The following COG3 variants were observed in gnomAD, a reference collection of about 807,000 sequenced individuals.
The protein encoded by COG3 is component of oligomeric golgi complex 3.
A neutral mutation model predicts 114.1 loss-of-function variants in COG3; 32 were observed. The ratio of observed to expected loss-of-function variants is 0.28; its 90% CI spans 0.21 to 0.38. The LOEUF (loss-of-function observed/expected upper bound fraction) is 0.38. Ranked by LOEUF, COG3 falls within the 10% of genes least tolerant of loss-of-function variation. The pLI is 1.00. For missense variants in COG3, 813 were observed against 973.2 expected (o/e 0.84, Z 2.19); for synonymous variants, 352 against 365.7 (o/e 0.96, Z 0.43).
intron 19 of COG3, among the ~76,000 whole-genome samples, chr13:45,524,419 A>G (rs559600449): frequency 6.6e-6 from 1 of 152,248 alleles, no homozygotes; most frequent in Non-Finnish European, 1.5e-5. Context: ...TGACTAGAAG[A>G]TGGTCATTCA....
rs192188834 is a variant in COG3 at position 45,487,461 on chromosome 13, T to C, written c.924+886T>C. Among the ~76,000 whole-genome samples the C allele has an allele frequency of 2.6e-5, 4 of 152,312 alleles. No individual in the cohort carries two copies. In the East Asian group the frequency reaches 7.7e-4, roughly 29 times the overall value. ...ATTACCAGAGTGAAGAGACAACCTG[T>C]AGAATGATAGAAAACATTTACAACT... On this transcript the variant is annotated intron_variant, in intron 8 of 22. Transcript: ENST00000349995.
intron 14 of COG3, among the ~76,000 whole-genome samples, chr13:45,508,384 T>TA (rs1566262449): frequency 1.8e-4 from 6 of 33,266 alleles, no homozygotes; most frequent in South Asian, 1.4e-3. Context: ...TTATATATAT[T>TA]TTTATATATA....
chr13:45,493,801 A>G, intron 12 of COG3: 1 of 174,446 alleles, frequency 5.7e-6, no homozygotes. Context: ...CACTGTTACC[A>G]GAATACAAAA....
Position 45,508,431 on chromosome 13 carries a change from C to T in COG3, c.1595-1261C>T, listed in dbSNP as rs931268415. On this transcript the variant is annotated intron_variant, in intron 14 of 22. Coordinates refer to ENST00000349995, the MANE Select transcript of COG3 (RefSeq NM_031431.4). The stretch of plus-strand genomic sequence containing the variant: ...ACACACACACACACACACACATACA[C>T]ATATATATACATATATGTGTATGTG... Among the ~76,000 whole-genome samples, 20 of 138,416 alleles carry T rather than the reference C, an allele frequency of 1.4e-4. No individual in the cohort carries two copies. In the East Asian group the frequency reaches 2.5e-3, roughly 17 times the overall value. 90.8% of individuals were successfully genotyped at this position (138,416 alleles called of 152,430 possible). A position where few individuals can be genotyped will look rare whatever the true frequency, so the allele number is the denominator to read the frequency against.
chr13:45,496,336 C>G (rs778445933), intron 13 of COG3, 24 bp downstream of exon 13: 1 of 1,512,302 alleles, frequency 6.6e-7, no homozygotes, highest in Non-Finnish European at 8.9e-7. Context: ...ACTTGATCTC[C>G]CGTCTGCCCC....
At chr13:45,498,463 G>C (rs949370807) in intron 13 of COG3, among the ~76,000 whole-genome samples, 1 of 149,796 alleles carries the variant, frequency 6.7e-6, no homozygotes, top group Admixed American at 6.7e-5. Flanking sequence ...GGGTTCAAGC[G>C]ATTTCAAGAA....
rs779203739 is a variant in COG3 at position 45,479,012 on chromosome 13, C to T, written c.329C>T (p.Ser110Leu). ...ERIETAQQFF[S>L]WFAKLQTQMD... The stretch of plus-strand genomic sequence containing the variant: ...AATACTCTGTTTTTCCAGTTTTTCT[C>T]ATGGTTTGCAAAGCTGCAAACTCAG... Residue 110 changes from serine to leucine, a missense_variant, in exon 3 of 23, where the codon TCA becomes TTA. Ser to Leu is a moderately radical substitution (Grantham distance 145). This residue lies in a region of COG3 where 424 missense variants were observed against 430.6 expected (regional missense o/e 0.98). Coordinates refer to ENST00000349995, the MANE Select transcript of COG3 (RefSeq NM_031431.4). The T allele has an allele frequency of 1.2e-6, 2 of 1,610,110 alleles. No individual in the cohort carries two copies. Among genetic ancestry groups the T allele is most frequent in the Non-Finnish European group, 1.7e-6 (2 of 1,178,104 alleles).
chr13:45,534,816 C>G lies in COG3; in HGVS notation c.*85C>G. ...TGCAGTCTGCAGGACACCGAGGAAT[C>G]GTATGTGGGAACGTCCCCGAGAACC... On this transcript the variant is annotated 3_prime_UTR_variant, in exon 23 of 23. Coordinates refer to ENST00000349995, the MANE Select transcript of COG3 (RefSeq NM_031431.4). The G allele has an allele frequency of 7.0e-7, 1 of 1,424,556 alleles. No homozygotes were observed. Among genetic ancestry groups the G allele is most frequent in the Non-Finnish European group, 9.2e-7 (1 of 1,087,514 alleles). The allele number at this position is 1,424,556 out of a possible 1,614,324, so 88.2% of individuals were successfully genotyped here.
chr13:45,500,094 G>GTGTGTATATA (rs1321310200), intron 13 of COG3, among the ~76,000 whole-genome samples: 6 of 114,840 alleles, frequency 5.2e-5, no homozygotes, highest in African/African-American at 2.1e-4. Context: ...GTGTGTGTGT[G>GTGTGTATATA]TATATATATA....
intron 16 of COG3, chr13:45,512,131 G>T: frequency 3.6e-6 from 1 of 278,830 alleles, no homozygotes. Flanking sequence ...TAGCCACTGG[G>T]GAAATGATAC....
intron 6 of COG3, 60 bp downstream of exon 6, chr13:45,482,533 A>G (rs1886315031): frequency 2.5e-6 from 2 of 804,338 alleles, no homozygotes; most frequent in East Asian, 2.7e-5. Context: ...TCCTGTTCCT[A>G]TCTTTTTGTG....
intron 19 of COG3, among the ~76,000 whole-genome samples, chr13:45,519,652 A>G (rs1871899915): frequency 6.6e-6 from 1 of 152,256 alleles, no homozygotes; most frequent in Admixed American, 6.5e-5. Flanking sequence ...TAAGTGAAAC[A>G]ACATAAAATG....
At chr13:45,469,880 T>C (rs1396450726) in intron 1 of COG3, among the ~76,000 whole-genome samples, 1 of 152,216 alleles carries the variant, frequency 6.6e-6, no homozygotes, top group African/African-American at 2.4e-5. Flanking sequence ...TTCAAAATTA[T>C]TTCTTTAGTT....
intron 14 of COG3, among the ~76,000 whole-genome samples, chr13:45,504,341 C>T (rs1869884939): frequency 6.6e-6 from 1 of 152,192 alleles, no homozygotes; most frequent in Non-Finnish European, 1.5e-5. Flanking sequence ...CTGAAATTTC[C>T]TCCTCTGCAA....
chr13:45,523,551 G>C (rs1872396409), intron 19 of COG3, among the ~76,000 whole-genome samples: 1 of 152,124 alleles, frequency 6.6e-6, no homozygotes. Context: ...TGAAGCAAAT[G>C]CTCTTTGAGG....
chr13:45,526,141 T>A (rs1468722869), intron 20 of COG3, among the ~76,000 whole-genome samples: 1 of 125,346 alleles, frequency 8.0e-6, no homozygotes, highest in East Asian at 2.8e-4. Context: ...CAGGCTGGAG[T>A]GCAGTGGCGT....
intron 1 of COG3, 52 bp downstream of exon 1, chr13:45,465,262 C>T (rs747074738): frequency 1.3e-6 from 2 of 1,592,554 alleles, no homozygotes; most frequent in East Asian, 4.5e-5. Context: ...GGATTCTCCT[C>T]GGGCGCCCCG....
In COG3 at chr13:45,483,230, C is replaced by A; in HGVS notation, c.718C>A (p.Pro240Thr). 6.3e-7 allele frequency: 1 copy of A among 1,581,054 alleles called. No individual in the cohort carries two copies. Among genetic ancestry groups the A allele is most frequent in the Non-Finnish European group, 8.6e-7 (1 of 1,156,450 alleles). The change falls in exon 7 of 23, where the codon CCT becomes ACT. Residue 240 changes from proline (P) to threonine (T), a missense_variant and splice_region_variant. Pro to Thr is a conservative substitution (Grantham distance 38, BLOSUM62 -1). Transcript: ENST00000349995. Reference sequence around the variant, plus strand: ...GTAAATCTTTCTCTTTTCCTTACAGCCTAATTTTAAAGATTATCCCATATA... The same window carrying A: ...GTAAATCTTTCTCTTTTCCTTACAGACTAATTTTAAAGATTATCCCATATA... Reference protein sequence around the residue: ...DDCITYISSHPNFKDYPIYLL... With the variant: ...DDCITYISSHTNFKDYPIYLL...
At chr13:45,532,462 T>C (rs7330448) in intron 22 of COG3, among the ~76,000 whole-genome samples, 4,555 of 152,066 alleles carry the variant, frequency 0.03, 212 homozygotes, top group African/African-American at 0.098. Flanking sequence ...ACAAGGTGCA[T>C]TTGGAGAAGT....
Sources: allele counts gnomAD v4.1 joint callset (sites outside exome capture counted in the v4.1 genomes callset), GRCh38; gene constraint gnomAD v4.1.1; regional missense constraint gnomAD v4.1.1; transcripts MANE v1.5; gene names NCBI Gene and HGNC (gene_info 2026-07-23, HGNC 2026-07-21).